The following POF1B variants were observed in gnomAD, a reference collection of about 807,000 sequenced individuals.
POF1B encodes the protein POF1B actin binding protein.
Under a neutral mutation model 55.3 loss-of-function variants are expected in POF1B, and 53 were observed. The observed-to-expected ratio is 0.96, with a 90% CI of 0.77 to 1.20. The LOEUF is 1.20. POF1B is among the 50% of genes most tolerant of loss of function. The pLI, the probability that POF1B is intolerant of heterozygous loss-of-function variation, is 0.00. For missense variants in POF1B, 478 were observed against 420.5 expected (o/e 1.14, Z -1.20); for synonymous variants, 188 against 148.3 (o/e 1.27, Z -1.95).
In POF1B at chrX:85,307,157, G is replaced by A. The variant is rs372238941; in HGVS notation, c.1164+6C>T. ...TAGATTAACACCAATAAAAGCATCA[G>A]TTTACCTGCTGCTGGTGATTATTTG... On this transcript the variant is annotated splice_donor_region_variant and intron_variant, in intron 11 of 16. Transcript: ENST00000262753. 3 of 1,184,653 alleles carry A rather than the reference G, an allele frequency of 2.5e-6. No homozygotes were observed. In the African/African-American group the frequency reaches 5.2e-5, roughly 21 times the overall value.
chrX:85,360,542 T>TATATATATATATATACATATATAC (rs1933592855), intron 3 of POF1B, among the ~76,000 whole-genome samples: 1 of 85,451 alleles, frequency 1.2e-5, no homozygotes, highest in Non-Finnish European at 2.0e-5. Context: ...TATATATATA[T>TATATATATATATATACATATATAC]ATATATATAT....
chrX:85,299,271 A>C (rs1244265822), intron 15 of POF1B, among the ~76,000 whole-genome samples: 1 of 96,768 alleles, frequency 1.0e-5, no homozygotes, highest in Non-Finnish European at 2.1e-5. Flanking sequence ...GGCTCACTGC[A>C]AGCTCCACCT....
chrX:85,342,709 AC>A (rs1241149887), intron 6 of POF1B, among the ~76,000 whole-genome samples: 1 of 111,396 alleles, frequency 9.0e-6, no homozygotes, highest in Non-Finnish European at 1.9e-5. Context: ...TTAACTCTAA[AC>A]ACAAACCATG....
At position 85,304,420 on chromosome X, in the gene POF1B, T is replaced by A; in HGVS notation, c.1489A>T (p.Ser497Cys). The A allele has an allele frequency of 8.4e-7, 1 of 1,191,285 alleles. No individual in the cohort carries two copies. The highest frequency in any genetic ancestry group is 1.1e-6 in the Non-Finnish European group (1 of 882,199). ...TCATGAAGCTTAAATTGGAAGTCAC[T>A]ACAACTTCCTTCTCTCTTTGAAACA... is the stretch of plus-strand genomic sequence containing the variant. ...KDVSKREGSC[S>C]DFQFKLHELT... Residue 497 changes from serine to cysteine, a missense_variant, in exon 14 of 17, where the codon AGT becomes TGT. Transcript: ENST00000262753.
At chrX:85,307,492 A>C (rs1569283390) in intron 10 of POF1B, among the ~76,000 whole-genome samples, 1 of 111,965 alleles carries the variant, frequency 8.9e-6, no homozygotes, top group African/African-American at 3.2e-5. Flanking sequence ...TGGACTAACT[A>C]TACATGAAAT....
chrX:85,324,965 G>C (rs1447745956), intron 7 of POF1B, among the ~76,000 whole-genome samples: 1 of 111,818 alleles, frequency 8.9e-6, no homozygotes, highest in East Asian at 2.8e-4. Flanking sequence ...AGTTTGGCCA[G>C]ATGTGAAATT....
intron 4 of POF1B, among the ~76,000 whole-genome samples, chrX:85,352,661 GTGTT>G (rs766708600): frequency 4.0e-3 from 449 of 111,345 alleles, no homozygotes; most frequent in African/African-American, 4.7e-3. Context: ...AAGATATTTT[GTGTT>G]TGTTTGTTTG....
intron 2 of POF1B, among the ~76,000 whole-genome samples, chrX:85,370,504 G>A (rs146688242): frequency 0.017 from 1,898 of 111,511 alleles, 16 homozygotes; most frequent in East Asian, 0.045. Flanking sequence ...TAGACATATG[G>A]TGTTGAACAG....
intron 7 of POF1B, among the ~76,000 whole-genome samples, chrX:85,328,764 T>G (rs1184809260): frequency 9.1e-6 from 1 of 109,594 alleles, no homozygotes; most frequent in Non-Finnish European, 1.9e-5. Flanking sequence ...ATGTCTTAAC[T>G]CATTTATTGC....
intron 4 of POF1B, among the ~76,000 whole-genome samples, chrX:85,356,602 A>G (rs1284286832): frequency 2.7e-5 from 3 of 111,393 alleles, no homozygotes; most frequent in Non-Finnish European, 5.7e-5. Context: ...CAAATCTGTA[A>G]GGAAGTAAAT....
In POF1B at chrX:85,351,373, C is replaced by A; in HGVS notation, c.517G>T (p.Val173Leu). Residue 173 changes from valine to leucine, a missense_variant, in exon 5 of 17, where the codon GTG becomes TTG. Coordinates refer to ENST00000262753, the MANE Select transcript of POF1B (RefSeq NM_024921.4). ...NVIYEKTIRKVEKLNTDQGCH... is the reference protein window; with the variant it reads ...NVIYEKTIRKLEKLNTDQGCH... ...ACCTGATCAGTATTTAGCTTCTCCA[C>A]TTTTCTTATTGTTTTTTCATAAATA... 2 of 1,193,814 alleles carry A rather than the reference C, an allele frequency of 1.7e-6. No homozygotes were observed. Among genetic ancestry groups the A allele is most frequent in the Non-Finnish European group, 2.3e-6 (2 of 883,600 alleles).
chrX:85,327,730 A>T (rs962373361), intron 7 of POF1B, among the ~76,000 whole-genome samples: 1 of 112,520 alleles, frequency 8.9e-6, no homozygotes, highest in Non-Finnish European at 1.9e-5. Flanking sequence ...CTTAACTGGA[A>T]TTATGATAGT....
intron 2 of POF1B, among the ~76,000 whole-genome samples, chrX:85,375,874 G>A (rs1405644352): frequency 2.7e-5 from 3 of 111,815 alleles, no homozygotes; most frequent in African/African-American, 9.8e-5. Flanking sequence ...CAAAAGAATG[G>A]CAACCCTTAT....
intron 3 of POF1B, among the ~76,000 whole-genome samples, chrX:85,363,366 TCTGGTTGTGGGTG>T (rs199779963): frequency 0.014 from 1,541 of 111,343 alleles, 30 homozygotes; most frequent in African/African-American, 0.048. Context: ...CTTTCTAACT[TCTGGTTGTGGGTG>T]TTTAATGCTA....
chrX:85,311,482 A>G (rs1046884354), intron 9 of POF1B, among the ~76,000 whole-genome samples: 2 of 110,693 alleles, frequency 1.8e-5, no homozygotes, highest in Non-Finnish European at 3.8e-5. Flanking sequence ...GCTGCGAATG[A>G]TGGTTTCCAG....
intron 15 of POF1B, among the ~76,000 whole-genome samples, chrX:85,294,265 G>T (rs1164319514): frequency 9.0e-6 from 1 of 111,563 alleles, no homozygotes; most frequent in African/African-American, 3.3e-5. Context: ...TTGAATGGGA[G>T]GGTTAGAGAG....
rs763984258 is a variant in POF1B at position 85,303,928 on chromosome X, A to G, written c.1566+415T>C. 1.0e-3 allele frequency among the ~76,000 whole-genome samples: 111 copies of G among 111,325 alleles called. 1 individual carries two copies. The highest frequency in any genetic ancestry group is 1.8e-3 in the Non-Finnish European group (96 of 52,723). On this transcript the variant is annotated intron_variant, in intron 14 of 16. Coordinates refer to ENST00000262753, the MANE Select transcript of POF1B (RefSeq NM_024921.4). ...ACCATTTGCTCCATAACAGCAATACAATATTACCCATAATTTTTGACAATT... is the reference window on the plus strand; with the variant it reads ...ACCATTTGCTCCATAACAGCAATACGATATTACCCATAATTTTTGACAATT...
At chrX:85,283,059 CAAAG>C (rs1208949274) in intron 15 of POF1B, among the ~76,000 whole-genome samples, 1 of 111,322 alleles carries the variant, frequency 9.0e-6, no homozygotes, top group African/African-American at 3.3e-5. Flanking sequence ...AGGTTATTCT[CAAAG>C]AGTTTAAAAG....
At chrX:85,324,645 G>T (rs1932877857) in intron 7 of POF1B, among the ~76,000 whole-genome samples, 1 of 110,995 alleles carries the variant, frequency 9.0e-6, no homozygotes, top group South Asian at 3.8e-4. Flanking sequence ...ATACCTTTGA[G>T]TTTTGCTTCT....
Sources: gnomAD v4.1 joint callset for allele counts (sites outside exome capture counted in the v4.1 genomes callset) on GRCh38, gnomAD v4.1.1 for gene constraint, MANE v1.5 for transcripts, NCBI Gene and HGNC (gene_info 2026-07-23, HGNC 2026-07-21) for gene names.